Variants in VTI1A observed in about 807,000 individuals in gnomAD.
VTI1A encodes vesicle transport through interaction with t-SNAREs 1A, also known as vesicle transport through interaction with t-SNAREs homolog 1A.
A neutral mutation model predicts 34.9 loss-of-function variants in VTI1A; 22 were observed. The observed-to-expected ratio is 0.63, with a 90% CI of 0.45 to 0.90. The LOEUF (loss-of-function observed/expected upper bound fraction) is 0.90, where lower values mean the gene tolerates loss of function less well. Among genes scored for constraint, VTI1A ranks in the 40% least tolerant of loss-of-function variants. The pLI is 0.00. For synonymous variants in VTI1A, 87 were observed against 97.3 expected, an observed-to-expected ratio of 0.89 and a Z score of 0.62; for missense variants, 268 against 275.6, an observed-to-expected ratio of 0.97 and a Z score of 0.20.
intron 1 of VTI1A, chr10:112,450,057 C>T (rs1188130994): frequency 6.6e-6 from 1 of 151,906 alleles, no homozygotes; most frequent in Non-Finnish European, 1.5e-5. Context: ...CTGTGCCCGG[C>T]TGATTTTTTT....
chr10:112,682,842 G>A (rs909438550), intron 7 of VTI1A, among the ~76,000 whole-genome samples: 4 of 152,154 alleles, frequency 2.6e-5, no homozygotes, highest in Non-Finnish European at 4.4e-5. Context: ...TCCTGATCCC[G>A]GGGACTCAAT....
intron 3 of VTI1A, among the ~76,000 whole-genome samples, chr10:112,471,364 T>C (rs558070105): frequency 4.1e-5 from 6 of 146,274 alleles, no homozygotes; most frequent in East Asian, 3.9e-4. Context: ...TTCATTCTTA[T>C]TGATTTTTTT....
intron 1 of VTI1A, among the ~76,000 whole-genome samples, chr10:112,448,139 G>T (rs1388005711): frequency 6.6e-6 from 1 of 152,166 alleles, no homozygotes; most frequent in East Asian, 1.9e-4. Context: ...CTCTCATGGG[G>T]TTGTTAGGTA....
intron 7 of VTI1A, among the ~76,000 whole-genome samples, chr10:112,679,764 GA>G (rs60672461): frequency 0.017 from 2,292 of 138,298 alleles, 54 homozygotes; most frequent in African/African-American, 0.053. Context: ...GTGATGAGGG[GA>G]AAAAAAAAAA....
intron 3 of VTI1A, among the ~76,000 whole-genome samples, chr10:112,479,828 G>A (rs1848404997): frequency 6.6e-6 from 1 of 152,104 alleles, no homozygotes; most frequent in Admixed American, 6.5e-5. Context: ...TTAAACCTCA[G>A]CTATCTGGAC....
chr10:112,539,175 A>G (rs533966894), intron 5 of VTI1A, among the ~76,000 whole-genome samples: 2 of 152,336 alleles, frequency 1.3e-5, no homozygotes, highest in Admixed American at 1.3e-4. Flanking sequence ...TATTTTGGAT[A>G]GCTCTTGCCC....
At chr10:112,811,526 C>G (rs1467531111) in intron 7 of VTI1A, among the ~76,000 whole-genome samples, 1 of 150,696 alleles carries the variant, frequency 6.6e-6, no homozygotes, top group Non-Finnish European at 1.5e-5. Context: ...ACTAAAAATA[C>G]AAAAAAAATT....
chr10:112,686,701 T>A (rs1307372754), intron 7 of VTI1A, among the ~76,000 whole-genome samples: 1 of 152,218 alleles, frequency 6.6e-6, no homozygotes, highest in Non-Finnish European at 1.5e-5. Flanking sequence ...ACGGTGTAAG[T>A]GCCTACTATA....
At position 112,622,013 on chromosome 10, in the gene VTI1A, G is replaced by A. The variant is rs552668093; in HGVS notation, c.428-46205G>A. Among the ~76,000 whole-genome samples, 13 of 152,234 alleles carry A rather than the reference G, an allele frequency of 8.5e-5. No homozygotes were observed. In the South Asian group the frequency reaches 2.7e-3, roughly 32 times the overall value. On this transcript the variant is annotated intron_variant, in intron 5 of 7. Transcript: ENST00000393077. ...TCGAGAGAGAGAAGAAGGAGACAGA[G>A]AGAGAGAGAGAGTTGGGGTGCTTAT...
chr10:112,683,772 G>A (rs1848302475), intron 7 of VTI1A, among the ~76,000 whole-genome samples: 1 of 152,126 alleles, frequency 6.6e-6, no homozygotes, highest in South Asian at 2.1e-4. Flanking sequence ...GGCCAGGCAC[G>A]GTGGCTTACA....
At chr10:112,754,927 G>A (rs370148578) in intron 7 of VTI1A, among the ~76,000 whole-genome samples, 6 of 152,302 alleles carry the variant, frequency 3.9e-5, no homozygotes, top group African/African-American at 9.6e-5. Context: ...ATGATTTGGG[G>A]ACTGGGGCTC....
At chr10:112,618,589 G>C (rs1362229135) in intron 5 of VTI1A, among the ~76,000 whole-genome samples, 1 of 145,406 alleles carries the variant, frequency 6.9e-6, no homozygotes, top group African/African-American at 2.6e-5. Flanking sequence ...TTAAGAAGGA[G>C]CAATAATGTT....
intron 7 of VTI1A, among the ~76,000 whole-genome samples, chr10:112,789,024 A>C (rs977011829): frequency 6.6e-6 from 1 of 152,132 alleles, no homozygotes. Flanking sequence ...AACAATACAA[A>C]ATTATAGTGA....
At chr10:112,824,699 G>A in the VTI1A span, 3 of 152,262 alleles carry the variant, frequency 2.0e-5, no homozygotes, top group Admixed American at 6.5e-5. Context: ...GCCGAGTTGG[G>A]CCTCGGGTCT....
intron 7 of VTI1A, 117 bp from the exon 8 acceptor site, chr10:112,815,171 ACG>A: frequency 5.5e-6 from 3 of 541,768 alleles, no homozygotes; most frequent in Admixed American, 2.2e-5. Flanking sequence ...ACACACACAC[ACG>A]CTCCCCACCC....
chr10:112,777,393 G>T (rs914957915), intron 7 of VTI1A, among the ~76,000 whole-genome samples: 1 of 152,134 alleles, frequency 6.6e-6, no homozygotes, highest in Non-Finnish European at 1.5e-5. Flanking sequence ...GCACTAAATT[G>T]ACACCAACAA....
intron 7 of VTI1A, among the ~76,000 whole-genome samples, chr10:112,796,658 A>G (rs1000198623): frequency 1.3e-5 from 2 of 152,178 alleles, no homozygotes; most frequent in African/African-American, 2.4e-5. Flanking sequence ...TGGAAGAATC[A>G]CTATACTAGA....
intron 5 of VTI1A, among the ~76,000 whole-genome samples, chr10:112,624,610 A>G (rs1845853088): frequency 6.6e-6 from 1 of 152,184 alleles, no homozygotes; most frequent in Non-Finnish European, 1.5e-5. Flanking sequence ...TATAACAGAA[A>G]GATAAAAATC....
the VTI1A span, among the ~76,000 whole-genome samples, chr10:112,841,025 C>T: frequency 1.5e-4 from 23 of 152,234 alleles, no homozygotes; most frequent in Middle Eastern, 3.4e-3. Context: ...TGATAATGTG[C>T]GGCCATCTCA....
Sources: allele counts gnomAD v4.1 joint callset (sites outside exome capture counted in the v4.1 genomes callset), GRCh38; gene constraint gnomAD v4.1.1; transcripts MANE v1.5; gene names NCBI Gene and HGNC (gene_info 2026-07-23, HGNC 2026-07-21).